LFNG: variants seen among roughly 807,000 people sequenced by gnomAD.
LFNG encodes beta-1,3-N-acetylglucosaminyltransferase lunatic fringe.
A neutral mutation model predicts 32.7 loss-of-function variants in LFNG; 15 were observed. That is an observed-to-expected ratio of 0.46 (90% CI 0.31 to 0.71). The LOEUF (loss-of-function observed/expected upper bound fraction) is 0.71. Among genes scored for constraint, LFNG ranks in the 30% least tolerant of loss-of-function variants. The probability of loss-of-function intolerance (pLI) is 0.06; values close to 1 mark genes in which losing one functional copy is unlikely to be tolerated. For synonymous variants in LFNG, 274 were observed against 246.8 expected (o/e 1.11, Z -1.03); for missense variants, 520 against 545.7 (o/e 0.95, Z 0.47).
At position 2,526,837 on chromosome 7, in the gene LFNG, T is replaced by G; in HGVS notation, c.989T>G (p.Val330Gly). ...CATCACTCCGCCCGCTCCCCACAGG[T>G]GACGCTGAGCTACGGTATGTTTGAA... Reference protein sequence around the residue: ...QVPTSELHEQVTLSYGMFENK... With the variant: ...QVPTSELHEQGTLSYGMFENK... Residue 330 changes from valine to glycine, a missense_variant and splice_region_variant, in exon 7 of 8, where the codon GTG becomes GGG. Physicochemically the swap from Val to Gly is moderately radical, Grantham distance 109. Coordinates refer to ENST00000222725, the MANE Select transcript of LFNG (RefSeq NM_001040167.2). The surrounding 1 kb of genome is among the most constrained non-coding windows in gnomAD (Gnocchi z 6.9). 1 of 1,611,878 alleles carries G rather than the reference T, an allele frequency of 6.2e-7. No individual in the cohort carries two copies. The highest frequency in any genetic ancestry group is 1.1e-5 in the South Asian group (1 of 91,052).
upstream of LFNG, chr7:2,513,351 C>A: frequency 6.4e-7 from 1 of 1,570,796 alleles, no homozygotes; most frequent in Non-Finnish European, 8.7e-7. Context: ...TTCCTGGGGA[C>A]ATAACCTCCC....
upstream of LFNG, chr7:2,517,914 C>G: frequency 1.7e-6 from 2 of 1,156,288 alleles, no homozygotes; most frequent in Non-Finnish European, 2.2e-6. Context: ...TCCTAGTTGT[C>G]CAGCTGCTGC....
At position 2,527,101 on chromosome 7, in the gene LFNG, C is replaced by T; in HGVS notation, c.1074-45C>T. 1 of 1,585,864 alleles carries T rather than the reference C, an allele frequency of 6.3e-7. No homozygotes were observed. The highest frequency in any genetic ancestry group is 8.6e-7 in the Non-Finnish European group (1 of 1,156,918). Reference sequence around the variant, plus strand: ...TGGGACTGCAAATGGGAGCTCAGCACCTGCCTGCCACCCACGCAGACCAGC... The same window carrying T: ...TGGGACTGCAAATGGGAGCTCAGCATCTGCCTGCCACCCACGCAGACCAGC... On this transcript the variant is annotated intron_variant, in intron 7 of 7. Transcript: ENST00000222725. The surrounding 1 kb of genome is among the most constrained non-coding windows in gnomAD (Gnocchi z 4.4).
In LFNG at chr7:2,520,418, G is replaced by A; in HGVS notation, c.432+125G>A. On this transcript the variant is annotated intron_variant, in intron 1 of 7. Transcript: ENST00000222725. The surrounding 1 kb of genome is among the most constrained non-coding windows in gnomAD (Gnocchi z 5.0). ...ATCCAGCCACTAGGGCCATCTGTGG[G>A]CGACGCCAGTGCACCCCGGTGCACC... 1.1e-6 allele frequency: 1 copy of A among 877,082 alleles called. No homozygotes were observed. Among genetic ancestry groups the A allele is most frequent in the Non-Finnish European group, 1.7e-6 (1 of 584,740 alleles). The allele number at this position is 877,082 out of a possible 1,614,324, so 54.3% of individuals were successfully genotyped here. A position where few individuals can be genotyped will look rare whatever the true frequency, so the allele number is the denominator to read the frequency against.
chr7:2,513,359 C>T, upstream of LFNG: 1 of 1,557,660 alleles, frequency 6.4e-7, no homozygotes, highest in Non-Finnish European at 8.7e-7. Flanking sequence ...GACATAACCT[C>T]CCCTTCTTCT....
rs780649312 is a variant in LFNG, at chr7:2,526,911, G to A, written c.1063G>A (p.Asp355Asn). The A allele has an allele frequency of 6.8e-6, 11 of 1,612,328 alleles. No homozygotes were observed. The highest frequency in any genetic ancestry group is 4.0e-5 in the African/African-American group (3 of 74,888). Residue 355 changes from aspartate (D) to asparagine (N), a missense_variant, in exon 7 of 8, where the codon GAC (aspartate) becomes AAC (asparagine). Physicochemically the swap from Asp to Asn is conservative, Grantham distance 23. This residue lies in a region of LFNG where 150 missense variants were observed against 159.9 expected (regional missense o/e 0.94). Coordinates refer to ENST00000222725, the MANE Select transcript of LFNG (RefSeq NM_001040167.2). This position sits in a 1 kb window ranked among gnomAD's most constrained non-coding sequence, Gnocchi z 6.9. ...HVKGPFSVEA[D>N]PSRFRSIHCH... ...GAAGGGGCCCTTCTCGGTGGAGGCC[G>A]ACCCATCCAGGTAAGGAAACCCCGG...
Position 2,526,821 on chromosome 7 carries a change from G to A in LFNG, c.988-15G>A, listed in dbSNP as rs775971890. 1.2e-5 allele frequency: 20 copies of A among 1,611,600 alleles called. No homozygotes were observed. Among genetic ancestry groups the A allele is most frequent in the Middle Eastern group, 1.6e-4 (1 of 6,070 alleles). The stretch of plus-strand genomic sequence containing the variant: ...GTCGGGCCCCTCCCGGCATCACTCC[G>A]CCCGCTCCCCACAGGTGACGCTGAG... On this transcript the variant is annotated splice_polypyrimidine_tract_variant and intron_variant, in intron 6 of 7. Transcript: ENST00000222725. This position sits in a 1 kb window ranked among gnomAD's most constrained non-coding sequence, Gnocchi z 6.9.
At chr7:2,525,123 C>A in intron 2 of LFNG, 96 bp from the exon 3 acceptor site, 1 of 1,104,936 alleles carries the variant, frequency 9.1e-7, no homozygotes, top group Non-Finnish European at 1.3e-6. Context: ...AACTAGGGGG[C>A]TTTTCTCGAG....
chr7:2,518,755 C>T (rs982503484), upstream of LFNG, among the ~76,000 whole-genome samples: 7 of 152,158 alleles, frequency 4.6e-5, no homozygotes, highest in African/African-American at 1.7e-4. Context: ...ACAGCGCAGC[C>T]ACGGGCAGAG....
Position 2,519,936 on chromosome 7 carries a change from C to A in LFNG, c.75C>A (p.Thr25=). Residue 25 remains threonine (T), a synonymous_variant, in exon 1 of 8, where the codon ACC becomes ACA. Transcript: ENST00000222725. ...GALLACLLVL[T]ADPPPPPLPA... Reference sequence around the variant, plus strand: ...TGCTCGCCTGCCTGCTGGTGCTCACCGCCGACCCGCCGCCGCCTCCACTGC... The same window carrying A: ...TGCTCGCCTGCCTGCTGGTGCTCACAGCCGACCCGCCGCCGCCTCCACTGC... 2 of 1,025,054 alleles carry A rather than the reference C, an allele frequency of 2.0e-6. No individual in the cohort carries two copies. The highest frequency in any genetic ancestry group is 5.8e-5 in the Admixed American group (1 of 17,102). 63.5% of individuals were successfully genotyped at this position (1,025,054 alleles called of 1,614,324 possible). A position where few individuals can be genotyped will look rare whatever the true frequency, so the allele number is the denominator to read the frequency against.
rs1479321349 is a variant in LFNG, at chr7:2,520,183, G to A, written c.322G>A (p.Glu108Lys). ...CGACGGCCACCCGCGCCCCCTGGCC[G>A]AGCCGCTCGCGCCCCGAGACGTCTT... ...PADGHPRPLA[E>K]PLAPRDVFIA... is the part of the protein sequence containing the mutation. Residue 108 changes from glutamate to lysine, a missense_variant, in exon 1 of 8, where the codon GAG (glutamate) becomes AAG (lysine). Physicochemically the swap from Glu to Lys is moderately conservative, Grantham distance 56. This residue lies in a region of LFNG where 360 missense variants were observed against 354.7 expected (regional missense o/e 1.01). Coordinates refer to ENST00000222725, the MANE Select transcript of LFNG (RefSeq NM_001040167.2). This position sits in a 1 kb window ranked among gnomAD's most constrained non-coding sequence, Gnocchi z 5.0. The A allele has an allele frequency of 1.9e-6, 3 of 1,568,128 alleles. No individual in the cohort carries two copies. The highest frequency in any genetic ancestry group is 2.5e-5 in the East Asian group (1 of 39,652).
chr7:2,518,919 C>G (rs1161006301), upstream of LFNG, among the ~76,000 whole-genome samples: 2 of 151,958 alleles, frequency 1.3e-5, no homozygotes, highest in Non-Finnish European at 2.9e-5. Context: ...GGGCCCGGGC[C>G]CGTGGGAAGG....
At position 2,527,368 on chromosome 7, in the gene LFNG, C is replaced by A; in HGVS notation, c.*156C>A. On this transcript the variant is annotated 3_prime_UTR_variant, in exon 8 of 8. Transcript: ENST00000222725. The surrounding 1 kb of genome is among the most constrained non-coding windows in gnomAD (Gnocchi z 4.4). ...TGTGTGTGTGTACTGCATGCCCACC[C>A]GGGTAGCAGGCTGCTGGGCAGTTCT... The A allele has an allele frequency of 6.6e-7, 1 of 1,506,042 alleles. No homozygotes were observed. Among genetic ancestry groups the A allele is most frequent in the Non-Finnish European group, 8.9e-7 (1 of 1,129,788 alleles). 93.3% of individuals were successfully genotyped at this position (1,506,042 alleles called of 1,614,324 possible).
chr7:2,521,019 G>A (rs1244909204), intron 1 of LFNG, among the ~76,000 whole-genome samples: 1 of 152,214 alleles, frequency 6.6e-6, no homozygotes, highest in Non-Finnish European at 1.5e-5. Context: ...CAGTGTGTGG[G>A]GCTTGCAGTC....
Position 2,519,827 on chromosome 7 carries a change from CG to C in LFNG, c.-31del. The C allele has an allele frequency of 9.4e-7, 1 of 1,064,366 alleles. No individual in the cohort carries two copies. The highest frequency in any genetic ancestry group is 4.0e-5 in the South Asian group (1 of 25,106). 65.9% of individuals were successfully genotyped at this position (1,064,366 alleles called of 1,614,324 possible). A position where few individuals can be genotyped will look rare whatever the true frequency, so the allele number is the denominator to read the frequency against. On this transcript the variant is annotated 5_prime_UTR_variant, in exon 1 of 8. Transcript: ENST00000222725. ...TTCGGGTCGGTGCAAGGCAGGCGCA[CG>C]GGGAAGGGCGCGCCGCGCGGCCGCC...
chr7:2,514,854 T>TCCATC (rs1779580593), upstream of LFNG, among the ~76,000 whole-genome samples: 6 of 72,600 alleles, frequency 8.3e-5, no homozygotes, highest in Non-Finnish European at 1.2e-4. Flanking sequence ...ATCCATCCAT[T>TCCATC]CATCTGTCTA....
chr7:2,527,112 C>T lies in LFNG; in HGVS notation c.1074-34C>T, dbSNP rs766034486. The T allele has an allele frequency of 6.3e-7, 1 of 1,598,442 alleles. No individual in the cohort carries two copies. The highest frequency in any genetic ancestry group is 8.6e-7 in the Non-Finnish European group (1 of 1,167,770). On this transcript the variant is annotated intron_variant, in intron 7 of 7. Coordinates refer to ENST00000222725, the MANE Select transcript of LFNG (RefSeq NM_001040167.2). This position sits in a 1 kb window ranked among gnomAD's most constrained non-coding sequence, Gnocchi z 4.4. ...ATGGGAGCTCAGCACCTGCCTGCCACCCACGCAGACCAGCCCCTGCTCTGT... is the reference window on the plus strand; with the variant it reads ...ATGGGAGCTCAGCACCTGCCTGCCATCCACGCAGACCAGCCCCTGCTCTGT...
rs1779975989 is a variant in LFNG at position 2,526,387 on chromosome 7, C to T, written c.965C>T (p.Pro322Leu). 1 of 1,609,734 alleles carries T rather than the reference C, an allele frequency of 6.2e-7. No individual in the cohort carries two copies. The highest frequency in any genetic ancestry group is 1.1e-5 in the South Asian group (1 of 91,076). ...HSHLENLQQV[P>L]TSELHEQVTL... ...CACCTGGAGAACCTGCAGCAGGTGCCCACCTCGGAGCTCCACGAGCAGGTG... is the reference window on the plus strand; with the variant it reads ...CACCTGGAGAACCTGCAGCAGGTGCTCACCTCGGAGCTCCACGAGCAGGTG... The change falls in exon 6 of 8, where the codon CCC becomes CTC. Residue 322 changes from proline (P) to leucine (L), a missense_variant. By Grantham distance (98) the Pro-to-Leu change is moderately conservative (BLOSUM62 -3). This residue lies in a region of LFNG where 150 missense variants were observed against 159.9 expected (regional missense o/e 0.94). Coordinates refer to ENST00000222725, the MANE Select transcript of LFNG (RefSeq NM_001040167.2). This position sits in a 1 kb window ranked among gnomAD's most constrained non-coding sequence, Gnocchi z 6.9.
rs1470132970 is a variant in LFNG at position 2,526,507 on chromosome 7, A to G, written c.987+98A>G. The G allele has an allele frequency of 1.5e-6, 2 of 1,340,306 alleles. No homozygotes were observed. Among genetic ancestry groups the G allele is most frequent in the East Asian group, 4.7e-5 (2 of 42,302 alleles). 83.0% of individuals were successfully genotyped at this position (1,340,306 alleles called of 1,614,324 possible). On this transcript the variant is annotated intron_variant, in intron 6 of 7. Coordinates refer to ENST00000222725, the MANE Select transcript of LFNG (RefSeq NM_001040167.2). The surrounding 1 kb of genome is among the most constrained non-coding windows in gnomAD (Gnocchi z 6.9). ...AGTGGGGTGGGGCACTGTTCTAAAC[A>G]GGGAGGCCAGGCAGCACTCCACTGT... is the stretch of plus-strand genomic sequence containing the variant.
Sources: gnomAD v4.1 joint callset for allele counts (sites outside exome capture counted in the v4.1 genomes callset) on GRCh38, gnomAD v4.1.1 for gene constraint, gnomAD v4.1.1 regional missense constraint, Gnocchi (gnomAD v3.1) non-coding constraint, MANE v1.5 for transcripts, NCBI Gene and HGNC (gene_info 2026-07-23, HGNC 2026-07-21) for gene names.